Variants in FARSB observed in about 807,000 individuals in gnomAD.
FARSB encodes phenylalanine--tRNA ligase beta subunit.
Under a neutral mutation model 69.6 loss-of-function variants are expected in FARSB, and 40 were observed. The ratio of observed to expected loss-of-function variants is 0.57; its 90% CI spans 0.45 to 0.75. The LOEUF is 0.75. Among genes scored for constraint, FARSB ranks in the 30% least tolerant of loss-of-function variants. FARSB has a pLI of 0.00. For synonymous variants in FARSB, 235 were observed against 247.2 expected (o/e 0.95, Z 0.46); for missense variants, 632 against 722.9 (o/e 0.87, Z 1.44).
chr2:222,595,308 A>G (rs566455680), intron 16 of FARSB, among the ~76,000 whole-genome samples: 77 of 152,274 alleles, frequency 5.1e-4, no homozygotes, highest in African/African-American at 1.7e-3. Flanking sequence ...TTCCAAGCTC[A>G]TGTTACACTA....
intron 14 of FARSB, among the ~76,000 whole-genome samples, chr2:222,619,268 T>C (rs1229710374): frequency 1.3e-5 from 2 of 148,810 alleles, no homozygotes; most frequent in African/African-American, 5.0e-5. Context: ...ATCGTGCCAC[T>C]GCACTCCAGC....
In FARSB at chr2:222,567,447, A is replaced by G. The variant is rs186443378; in HGVS notation, c.*4424T>C. 3 of 152,332 alleles carry G rather than the reference A, an allele frequency of 2.0e-5. No homozygotes were observed. Among genetic ancestry groups the G allele is most frequent in the Non-Finnish European group, 4.4e-5 (3 of 68,028 alleles). 9.4% of individuals were successfully genotyped at this position (152,332 alleles called of 1,614,324 possible). A position where few individuals can be genotyped will look rare whatever the true frequency, so the allele number is the denominator to read the frequency against. On this transcript the variant is annotated 3_prime_UTR_variant, in exon 17 of 17. Coordinates refer to ENST00000281828, the MANE Select transcript of FARSB (RefSeq NM_005687.5). ...AGTATTAGGGTTAGTGATGTTATAT[A>G]AAACACCAAGCACAAATAGATTAAG...
rs190101973 is a variant in FARSB at position 222,593,853 on chromosome 2, C to G, written c.1618+6075G>C. Among the ~76,000 whole-genome samples the G allele has an allele frequency of 1.4e-3, 220 of 151,978 alleles. 1 individual carries two copies. The highest frequency in any genetic ancestry group is 0.013 in the Admixed American group (192 of 15,266). On this transcript the variant is annotated intron_variant, in intron 16 of 16. Transcript: ENST00000281828. ...CCAGTCTGGGTGACAGAGTGAGACCCTGTCTCAACAACAACAAAAAGTACT... is the reference window on the plus strand; with the variant it reads ...CCAGTCTGGGTGACAGAGTGAGACCGTGTCTCAACAACAACAAAAAGTACT...
In FARSB at chr2:222,628,167, G is replaced by A. The variant is rs141356025; in HGVS notation, c.900+670C>T. Among the ~76,000 whole-genome samples the A allele has an allele frequency of 2.6e-5, 4 of 152,206 alleles. No individual in the cohort carries two copies. The East Asian group carries it at 5.8e-4, about 22-fold the overall frequency. On this transcript the variant is annotated intron_variant, in intron 10 of 16. Transcript: ENST00000281828. ...AAGCGTGAACAGACTATGTTCGGAG[G>A]GCTGAGTAATCTTAAAAGGAGTGAG...
Position 222,569,451 on chromosome 2 carries a change from C to A in FARSB, c.*2420G>T, listed in dbSNP as rs187991588. 63 of 152,320 alleles carry A rather than the reference C, an allele frequency of 4.1e-4. No individual in the cohort carries two copies. The highest frequency in any genetic ancestry group is 1.3e-3 in the African/African-American group (54 of 41,578). The allele number at this position is 152,320 out of a possible 1,614,324, so 9.4% of individuals were successfully genotyped here. On this transcript the variant is annotated 3_prime_UTR_variant, in exon 17 of 17. Coordinates refer to ENST00000281828, the MANE Select transcript of FARSB (RefSeq NM_005687.5). ...GCCACCTTGAGCACAACTGCCAATTCTACAGTTCAGGCTATTTCTCTAGGC... is the reference window on the plus strand; with the variant it reads ...GCCACCTTGAGCACAACTGCCAATTATACAGTTCAGGCTATTTCTCTAGGC...
chr2:222,574,391 C>T (rs928292666), intron 16 of FARSB, among the ~76,000 whole-genome samples: 1 of 152,160 alleles, frequency 6.6e-6, no homozygotes. Context: ...GAGTATTCTA[C>T]ATAACATAAA....
intron 1 of FARSB, among the ~76,000 whole-genome samples, chr2:222,655,422 C>T (rs1574961573): frequency 1.3e-5 from 2 of 152,238 alleles, no homozygotes; most frequent in South Asian, 4.2e-4. Flanking sequence ...CTTTTCTTTC[C>T]TTGATGGCAT....
intron 16 of FARSB, among the ~76,000 whole-genome samples, chr2:222,598,657 A>G (rs1303640240): frequency 2.0e-5 from 3 of 152,214 alleles, no homozygotes; most frequent in African/African-American, 7.2e-5. Context: ...CTAGGATGGT[A>G]AACTGGTGAA....
chr2:222,609,901 T>C (rs1048825174), intron 15 of FARSB, among the ~76,000 whole-genome samples: 1 of 152,150 alleles, frequency 6.6e-6, no homozygotes, highest in African/African-American at 2.4e-5. Context: ...CTATTTTCAT[T>C]TTGGAAGACA....
At chr2:222,598,706 C>G (rs961380944) in intron 16 of FARSB, among the ~76,000 whole-genome samples, 1 of 152,064 alleles carries the variant, frequency 6.6e-6, no homozygotes, top group African/African-American at 2.4e-5. Context: ...ACAACACTGG[C>G]AAGGATACTG....
intron 10 of FARSB, among the ~76,000 whole-genome samples, chr2:222,625,667 A>T (rs867965731): frequency 6.8e-4 from 104 of 152,230 alleles, no homozygotes; most frequent in African/African-American, 2.4e-3. Context: ...TGAAGATTGC[A>T]AAGTAATAAT....
rs1394554078 is a variant in FARSB at position 222,617,146 on chromosome 2, G to A, written c.1344+2499C>T. Among the ~76,000 whole-genome samples the A allele has an allele frequency of 1.5e-4, 4 of 26,186 alleles. 2 individuals carry two copies. The highest frequency in any genetic ancestry group is 3.1e-4 in the Non-Finnish European group (4 of 12,958). The allele number at this position is 26,186 out of a possible 152,430, so 17.2% of individuals were successfully genotyped here. ...CTCCCGAGTAGCTGGGACTACAGGC[G>A]CCCGCCACCGCGCCCGGCTAATTTT... is the stretch of plus-strand genomic sequence containing the variant. On this transcript the variant is annotated intron_variant, in intron 14 of 16. Coordinates refer to ENST00000281828, the MANE Select transcript of FARSB (RefSeq NM_005687.5).
intron 1 of FARSB, among the ~76,000 whole-genome samples, chr2:222,652,545 G>A (rs1692065113): frequency 6.6e-6 from 1 of 152,232 alleles, no homozygotes; most frequent in African/African-American, 2.4e-5. Context: ...TCCATCTGGG[G>A]CAAACAAGCT....
At chr2:222,599,822 CCTTT>C (rs1337816594) in intron 16 of FARSB, 102 bp downstream of exon 16, 4 of 830,774 alleles carry the variant, frequency 4.8e-6, no homozygotes, top group African/African-American at 1.7e-5. Flanking sequence ...TAAAACTCTC[CCTTT>C]CTTTCTAAAA....
intron 13 of FARSB, among the ~76,000 whole-genome samples, chr2:222,622,672 A>G (rs1691169069): frequency 6.6e-6 from 1 of 152,180 alleles, no homozygotes. Context: ...AGACCATGGA[A>G]AAGCACTGTT....
Position 222,570,649 on chromosome 2 carries a change from G to C in FARSB, c.*1222C>G, listed in dbSNP as rs1689700965. 1 of 151,768 alleles carries C rather than the reference G, an allele frequency of 6.6e-6. No individual in the cohort carries two copies. The highest frequency in any genetic ancestry group is 1.5e-5 in the Non-Finnish European group (1 of 67,946). The allele number at this position is 151,768 out of a possible 1,614,324, so 9.4% of individuals were successfully genotyped here. A position where few individuals can be genotyped will look rare whatever the true frequency, so the allele number is the denominator to read the frequency against. ...GAGATTTTCCTGACTCAGCCTCCCAGGTAGCTGGGACTGCAGGCCCACACC... is the reference window on the plus strand; with the variant it reads ...GAGATTTTCCTGACTCAGCCTCCCACGTAGCTGGGACTGCAGGCCCACACC... On this transcript the variant is annotated 3_prime_UTR_variant, in exon 17 of 17. Transcript: ENST00000281828.
At position 222,578,600 on chromosome 2, in the gene FARSB, G is replaced by GA. The variant is rs530491282; in HGVS notation, c.1619-6579_1619-6578insT. On this transcript the variant is annotated intron_variant, in intron 16 of 16. Coordinates refer to ENST00000281828, the MANE Select transcript of FARSB (RefSeq NM_005687.5). ...CACGCCTGTAATCCCAGCACTTTGGGGGCCAACGCGGGAAGATCACGAGGT... is the reference window on the plus strand; with the variant it reads ...CACGCCTGTAATCCCAGCACTTTGGGAGGCCAACGCGGGAAGATCACGAGGT... 1.5e-3 allele frequency among the ~76,000 whole-genome samples: 232 copies of GA among 152,130 alleles called. 1 individual carries two copies. Among genetic ancestry groups the GA allele is most frequent in the Admixed American group, 0.013 (200 of 15,272 alleles).
In FARSB at chr2:222,567,088, G is replaced by A. The variant is rs1361485964; in HGVS notation, c.*4783C>T. The A allele has an allele frequency of 6.6e-6, 1 of 152,152 alleles. No individual in the cohort carries two copies. Among genetic ancestry groups the A allele is most frequent in the Non-Finnish European group, 1.5e-5 (1 of 68,052 alleles). 9.4% of individuals were successfully genotyped at this position (152,152 alleles called of 1,614,324 possible). On this transcript the variant is annotated 3_prime_UTR_variant, in exon 17 of 17. Transcript: ENST00000281828. ...GCAGAGAAACAGAGCAAGCTCTCTG[G>A]TGTTTCTTCTTATCAGGCCACTGAG...
chr2:222,600,401 T>C (rs924168551), intron 15 of FARSB, among the ~76,000 whole-genome samples: 1 of 152,196 alleles, frequency 6.6e-6, no homozygotes, highest in African/African-American at 2.4e-5. Context: ...TAAAGCTTCA[T>C]ACTCTCTTAT....
Sources: gnomAD v4.1 joint callset for allele counts (sites outside exome capture counted in the v4.1 genomes callset) on GRCh38, gnomAD v4.1.1 for gene constraint, MANE v1.5 for transcripts, NCBI Gene and HGNC (gene_info 2026-07-23, HGNC 2026-07-21) for gene names.